Variants in AP3D1 observed in about 807,000 individuals in gnomAD.
AP3D1 encodes AP-3 complex subunit delta-1.
In AP3D1, 51 loss-of-function variants were observed where a neutral mutation model predicts 147.6. That is an observed-to-expected ratio of 0.35 (90% CI 0.28 to 0.44). The LOEUF is 0.44. AP3D1 is among the 20% of genes least tolerant of loss of function. The pLI is 1.00. For missense variants in AP3D1, 1,421 were observed against 1,624.2 expected, an observed-to-expected ratio of 0.87 and a Z score of 2.15; for synonymous variants, 760 against 663.0, an observed-to-expected ratio of 1.15 and a Z score of -2.25.
chr19:2,135,984 A>C (rs2019065965), intron 4 of AP3D1, among the ~76,000 whole-genome samples: 1 of 151,204 alleles, frequency 6.6e-6, no homozygotes, highest in Non-Finnish European at 1.5e-5. Flanking sequence ...CGACCCAAGG[A>C]GACTCCCGCC....
chr19:2,133,138 A>G (rs999932743), intron 4 of AP3D1, among the ~76,000 whole-genome samples: 10 of 152,222 alleles, frequency 6.6e-5, no homozygotes, highest in African/African-American at 2.4e-4. Context: ...GGCCTGGCAC[A>G]GAATGGGCAG....
At chr19:2,153,394 G>T (rs1314075018), upstream of AP3D1, among the ~76,000 whole-genome samples, 1 of 148,904 alleles carries the variant, frequency 6.7e-6, no homozygotes, top group Non-Finnish European at 1.5e-5. Context: ...TGGGGGGGGG[G>T]ACCGGGCACA....
At chr19:2,137,888 T>C in intron 2 of AP3D1, 81 bp from the exon 3 acceptor site, 1 of 1,264,912 alleles carries the variant, frequency 7.9e-7, no homozygotes, top group Non-Finnish European at 1.1e-6. Context: ...AAGCGCTCCC[T>C]CCCAGCACAC....
intron 20 of AP3D1, 115 bp downstream of exon 20, chr19:2,115,104 G>T: frequency 8.9e-7 from 1 of 1,129,556 alleles, no homozygotes; most frequent in Non-Finnish European, 1.3e-6. Context: ...TCCGGGGTGG[G>T]GCCTCATCCC....
At chr19:2,145,032 G>A (rs902171183) in intron 1 of AP3D1, among the ~76,000 whole-genome samples, 7 of 152,218 alleles carry the variant, frequency 4.6e-5, no homozygotes, top group Non-Finnish European at 1.0e-4. Context: ...CTGCACGTTT[G>A]TAAATATACT....
At position 2,118,679 on chromosome 19, in the gene AP3D1, G is replaced by A. The variant is rs547507626; in HGVS notation, c.1635C>T (p.Gly545=). 4.3e-5 allele frequency: 69 copies of A among 1,613,146 alleles called. No homozygotes were observed. In the Middle Eastern group the frequency reaches 1.6e-3, roughly 39 times the overall value. The change falls in exon 15 of 32, where the codon GGC becomes GGT. Residue 545 remains glycine, a synonymous_variant. Coordinates refer to ENST00000643116, the MANE Select transcript of AP3D1 (RefSeq NM_001261826.3). ...CCATGAGCTGGGTGACGGCCTGAGC[G>A]CCCTCTGCCTCCCCGGCCTGCTCCT... ...QQKEQAGEAE[G]AQAVTQLMVD...
intron 1 of AP3D1, among the ~76,000 whole-genome samples, chr19:2,150,377 C>G (rs960944806): frequency 1.3e-5 from 2 of 152,242 alleles, no homozygotes; most frequent in South Asian, 4.1e-4. Context: ...GTGGTGGCCA[C>G]TCTGCCCATT....
At chr19:2,106,779 T>C (rs1599436674) in intron 31 of AP3D1, among the ~76,000 whole-genome samples, 1 of 151,906 alleles carries the variant, frequency 6.6e-6, no homozygotes, top group Non-Finnish European at 1.5e-5. Flanking sequence ...GGACATGAGG[T>C]GTAATAACAG....
chr19:2,116,620 C>A lies in AP3D1; in HGVS notation c.1986G>T (p.Glu662Asp). The A allele has an allele frequency of 6.3e-7, 1 of 1,596,966 alleles. No homozygotes were observed. The highest frequency in any genetic ancestry group is 1.1e-5 in the South Asian group (1 of 88,596). ...AGCAGCTCACCCGAGCCAGCTCTTC[C>A]TCGTCCGCCTCCGACGGCCGGTGCT... ...RPKHRPSEAD[E>D]EELARRREAR... Residue 662 changes from glutamate to aspartate, a missense_variant, in exon 17 of 32, where the codon GAG becomes GAT. Physicochemically the swap from Glu to Asp is conservative, Grantham distance 45. Transcript: ENST00000643116.
Position 2,121,213 on chromosome 19 carries a change from G to A in AP3D1, c.1200C>T (p.Ile400=). 6.2e-7 allele frequency: 1 copy of A among 1,614,232 alleles called. No individual in the cohort carries two copies. Among genetic ancestry groups the A allele is most frequent in the Non-Finnish European group, 8.5e-7 (1 of 1,180,038 alleles). ...TTYRDELLTK[I]IDICSQSNYQ... ...AGTTGGACTGGCTGCAGATGTCAAT[G>A]ATCTTGGTGAGCAGCTCGTCACGGT... The change falls in exon 13 of 32, where the codon ATC becomes ATT. Residue 400 remains isoleucine (I), a synonymous_variant. Transcript: ENST00000643116.
At chr19:2,108,939 C>A in intron 30 of AP3D1, 147 bp downstream of exon 30, 1 of 1,372,862 alleles carries the variant, frequency 7.3e-7, no homozygotes, top group Non-Finnish European at 9.8e-7. Flanking sequence ...CCCGCACCAG[C>A]TCCCAGGCCT....
chr19:2,140,475 C>T lies in AP3D1; in HGVS notation c.97-1761G>A, dbSNP rs373257080. 4.8e-4 allele frequency among the ~76,000 whole-genome samples: 63 copies of T among 131,048 alleles called. No individual in the cohort carries two copies. The Middle Eastern group carries it at 0.016, about 32-fold the overall frequency. The allele number at this position is 131,048 out of a possible 152,430, so 86.0% of individuals were successfully genotyped here. ...TGGTGGGTCTGCTCCAGTCAACTTG[C>T]TTGACTTTTTTTTTTTTTGAGACAG... On this transcript the variant is annotated intron_variant, in intron 1 of 31. Coordinates refer to ENST00000643116, the MANE Select transcript of AP3D1 (RefSeq NM_001261826.3).
At chr19:2,113,074 G>C in intron 23 of AP3D1, 107 bp from the exon 24 acceptor site, 1 of 768,104 alleles carries the variant, frequency 1.3e-6, no homozygotes, top group Non-Finnish European at 2.1e-6. Flanking sequence ...CCTCACGCCT[G>C]CCTGAGAGGC....
intron 1 of AP3D1, among the ~76,000 whole-genome samples, chr19:2,148,146 C>CAA (rs5826756): frequency 3.0e-4 from 29 of 98,090 alleles, no homozygotes; most frequent in African/African-American, 1.0e-3. Context: ...GACTCCGTCT[C>CAA]AAAAAAAAAA....
intron 15 of AP3D1, among the ~76,000 whole-genome samples, chr19:2,118,003 T>C (rs1158204567): frequency 6.6e-6 from 1 of 152,030 alleles, no homozygotes; most frequent in African/African-American, 2.4e-5. Context: ...TTACTAAAAA[T>C]ACAAAAATTA....
At chr19:2,105,189 C>T (rs574459677) in intron 31 of AP3D1, among the ~76,000 whole-genome samples, 2 of 152,340 alleles carry the variant, frequency 1.3e-5, no homozygotes, top group African/African-American at 4.8e-5. Flanking sequence ...AATACGGCCT[C>T]TGGGGCGTGA....
rs1180717560 is a variant in AP3D1, at chr19:2,101,923, G to A, written c.*250C>T. 2.0e-6 allele frequency: 1 copy of A among 496,068 alleles called. No individual in the cohort carries two copies. Among genetic ancestry groups the A allele is most frequent in the Non-Finnish European group, 3.6e-6 (1 of 275,806 alleles). 30.7% of individuals were successfully genotyped at this position (496,068 alleles called of 1,614,324 possible). On this transcript the variant is annotated 3_prime_UTR_variant, in exon 32 of 32. Coordinates refer to ENST00000643116, the MANE Select transcript of AP3D1 (RefSeq NM_001261826.3). Reference sequence around the variant, plus strand: ...GCAGGGCACAGACCCAGGTGGGGGAGTCCCTTGCTGGTTTGGGGGCGAGAA... The same window carrying A: ...GCAGGGCACAGACCCAGGTGGGGGAATCCCTTGCTGGTTTGGGGGCGAGAA...
chr19:2,143,517 G>C (rs540253410), intron 1 of AP3D1, among the ~76,000 whole-genome samples: 4 of 151,990 alleles, frequency 2.6e-5, no homozygotes, highest in South Asian at 2.1e-4. Flanking sequence ...TGGGATTACA[G>C]GCGTGAGCCA....
rs58063456 is a variant in AP3D1 at position 2,126,652 on chromosome 19, C to CAAA, written c.856+497_856+499dup. Among the ~76,000 whole-genome samples, 36 of 59,568 alleles carry CAAA rather than the reference C, an allele frequency of 6.0e-4. 2 individuals are homozygous for CAAA. The highest frequency in any genetic ancestry group is 4.3e-3 in the East Asian group (10 of 2,314). The allele number at this position is 59,568 out of a possible 152,430, so 39.1% of individuals were successfully genotyped here. On this transcript the variant is annotated intron_variant, in intron 9 of 31. Coordinates refer to ENST00000643116, the MANE Select transcript of AP3D1 (RefSeq NM_001261826.3). ...TGGGCAACAGAGTGAGACTCTGCCT[C>CAAA]AAAAAAAAAAAAAAAAAAAGAAAGA...
Sources: gnomAD v4.1 joint callset for allele counts (sites outside exome capture counted in the v4.1 genomes callset) on GRCh38, gnomAD v4.1.1 for gene constraint, MANE v1.5 for transcripts, NCBI Gene and HGNC (gene_info 2026-07-23, HGNC 2026-07-21) for gene names.